The following CDH8 variants were observed in gnomAD, a reference collection of about 807,000 sequenced individuals.
The protein encoded by CDH8 is cadherin-8.
A neutral mutation model predicts 68.1 loss-of-function variants in CDH8; 17 were observed. The ratio of observed to expected loss-of-function variants is 0.25; its 90% CI spans 0.17 to 0.37. The LOEUF (loss-of-function observed/expected upper bound fraction) is 0.37. CDH8 is among the 10% of genes least tolerant of loss of function. The pLI is 1.00. For synonymous variants in CDH8, 372 were observed against 365.1 expected (o/e 1.02, Z -0.21); for missense variants, 763 against 999.3 (o/e 0.76, Z 3.19).
At chr16:61,795,736 C>CA (rs539945599) in intron 7 of CDH8, among the ~76,000 whole-genome samples, 4 of 152,036 alleles carry the variant, frequency 2.6e-5, no homozygotes, top group Non-Finnish European at 5.9e-5. Flanking sequence ...ATGTGACACT[C>CA]AAAAAGTATT....
intron 8 of CDH8, among the ~76,000 whole-genome samples, chr16:61,774,347 GT>G (rs1323542298): frequency 1.3e-5 from 2 of 151,588 alleles, no homozygotes; most frequent in Non-Finnish European, 2.9e-5. Context: ...CCCAAGATTG[GT>G]TAATATTCTG....
chr16:61,759,373 GGAAGAA>G (rs751793700), intron 8 of CDH8, among the ~76,000 whole-genome samples: 1 of 151,420 alleles, frequency 6.6e-6, no homozygotes, highest in East Asian at 1.9e-4. Context: ...AGGAGGAGGA[GGAAGAA>G]GAGGAAGAGG....
intron 8 of CDH8, among the ~76,000 whole-genome samples, chr16:61,772,825 A>G (rs1960811756): frequency 6.6e-6 from 1 of 152,056 alleles, no homozygotes; most frequent in Non-Finnish European, 1.5e-5. Context: ...CTATGCTTTA[A>G]CAAGCCCTCC....
At position 61,907,327 on chromosome 16, in the gene CDH8, A is replaced by C. The variant is rs376263648; in HGVS notation, c.253-5854T>G. ...CATTTGAAAATCAGGTAGCTCTGAC[A>C]TCAAAACTTCTTTTGAAGTTTCACT... On this transcript the variant is annotated intron_variant, in intron 2 of 11. Coordinates refer to ENST00000577390, the MANE Select transcript of CDH8 (RefSeq NM_001796.5). Among the ~76,000 whole-genome samples the C allele has an allele frequency of 1.1e-4, 16 of 152,260 alleles. No individual in the cohort carries two copies. The South Asian group carries it at 3.3e-3, about 32-fold the overall frequency.
chr16:61,984,842 C>T (rs914432052), intron 2 of CDH8, among the ~76,000 whole-genome samples: 3 of 152,128 alleles, frequency 2.0e-5, no homozygotes, highest in East Asian at 1.9e-4. Flanking sequence ...TGATTTTTTG[C>T]GTATAGTATA....
chr16:61,687,847 A>C (rs1964138647), intron 10 of CDH8, among the ~76,000 whole-genome samples: 1 of 152,054 alleles, frequency 6.6e-6, no homozygotes, highest in African/African-American at 2.4e-5. Flanking sequence ...CTGTAAGCTA[A>C]GAATTGTAGT....
In CDH8 at chr16:61,741,231, A is replaced by G. The variant is rs148329612; in HGVS notation, c.1415-14016T>C. Among the ~76,000 whole-genome samples, 1,241 of 152,186 alleles carry G rather than the reference A, an allele frequency of 8.2e-3. 21 individuals carry two copies. The highest frequency in any genetic ancestry group is 0.029 in the African/African-American group (1,197 of 41,532). On this transcript the variant is annotated intron_variant, in intron 8 of 11. Coordinates refer to ENST00000577390, the MANE Select transcript of CDH8 (RefSeq NM_001796.5). ...ATACCTGTTCAAATTTTCCTTTGTT[A>G]ATTAAGTTGCCTATATTTTCCTAAT... is the stretch of plus-strand genomic sequence containing the variant.
intron 10 of CDH8, among the ~76,000 whole-genome samples, chr16:61,664,959 A>G (rs1963637121): frequency 6.6e-6 from 1 of 152,064 alleles, no homozygotes; most frequent in Non-Finnish European, 1.5e-5. Flanking sequence ...TTAATATAAC[A>G]TATCATTTTT....
chr16:61,961,699 T>C (rs576682865), intron 2 of CDH8, among the ~76,000 whole-genome samples: 3 of 152,348 alleles, frequency 2.0e-5, no homozygotes, highest in East Asian at 1.9e-4. Context: ...TGTTCATTTG[T>C]TTCACATTAA....
chr16:61,908,583 A>T (rs915094044), intron 2 of CDH8, among the ~76,000 whole-genome samples: 6 of 152,194 alleles, frequency 3.9e-5, no homozygotes, highest in African/African-American at 1.2e-4. Context: ...GAAATGGACC[A>T]TTCAAGAAAC....
chr16:61,807,754 T>C (rs1235051823), intron 7 of CDH8, among the ~76,000 whole-genome samples: 4 of 152,162 alleles, frequency 2.6e-5, no homozygotes, highest in Non-Finnish European at 4.4e-5. Context: ...CCCTACCACT[T>C]TGGCATGACG....
chr16:61,828,481 G>T (rs1295253037), intron 4 of CDH8, among the ~76,000 whole-genome samples: 1 of 151,602 alleles, frequency 6.6e-6, no homozygotes, highest in Non-Finnish European at 1.5e-5. Flanking sequence ...ACCTCTTTCT[G>T]GTAACAATAG....
Position 62,021,331 on chromosome 16 carries a change from G to C in CDH8, c.73C>G (p.Pro25Ala). 6.2e-7 allele frequency: 1 copy of C among 1,613,978 alleles called. No individual in the cohort carries two copies. Among genetic ancestry groups the C allele is most frequent in the South Asian group, 1.1e-5 (1 of 91,070 alleles). The change falls in exon 2 of 12, where the codon CCT (proline) becomes GCT (alanine). Residue 25 changes from proline to alanine, a missense_variant. Pro to Ala is a conservative substitution (Grantham distance 27). Around this residue, in one of 2 missense-constraint regions of CDH8, gnomAD observed 366 missense variants for 563.1 expected, o/e 0.65. Coordinates refer to ENST00000577390, the MANE Select transcript of CDH8 (RefSeq NM_001796.5). ...TTCATCGGAGCCATGTAAATGCAAG[G>C]GGGAAGAGTAATCCATAATATTATT... ...PLIILWITLP[P>A]CIYMAPMNQS...
At chr16:61,677,024 A>C (rs1963926076) in intron 10 of CDH8, among the ~76,000 whole-genome samples, 1 of 152,028 alleles carries the variant, frequency 6.6e-6, no homozygotes, top group Non-Finnish European at 1.5e-5. Context: ...TATACCACAA[A>C]AAAAGATGGC....
At chr16:61,982,084 GAATA>G (rs1469836258) in intron 2 of CDH8, among the ~76,000 whole-genome samples, 1 of 152,072 alleles carries the variant, frequency 6.6e-6, no homozygotes, top group Non-Finnish European at 1.5e-5. Flanking sequence ...CATATGTGTT[GAATA>G]AATAAATTAC....
chr16:61,863,006 A>G (rs1194250333), intron 3 of CDH8, among the ~76,000 whole-genome samples: 2 of 152,118 alleles, frequency 1.3e-5, no homozygotes, highest in African/African-American at 4.8e-5. Flanking sequence ...GAAAGCCCCT[A>G]TTATAATCCA....
At chr16:61,995,518 C>T (rs771527740) in intron 2 of CDH8, among the ~76,000 whole-genome samples, 1 of 152,112 alleles carries the variant, frequency 6.6e-6, no homozygotes, top group Non-Finnish European at 1.5e-5. Context: ...GCTGGGACTA[C>T]AGGCATGTGT....
chr16:61,971,254 G>T (rs1026502701), intron 2 of CDH8, among the ~76,000 whole-genome samples: 1 of 152,104 alleles, frequency 6.6e-6, no homozygotes, highest in Non-Finnish European at 1.5e-5. Flanking sequence ...GTTTGGTGGT[G>T]TCTTCACACG....
chr16:61,768,394 C>T (rs1018780113), intron 8 of CDH8, among the ~76,000 whole-genome samples: 1 of 47,974 alleles, frequency 2.1e-5, no homozygotes, highest in African/African-American at 1.4e-4. Context: ...CTCTCTCTCT[C>T]CCTTTCTCTC....
Sources: allele counts gnomAD v4.1 joint callset (sites outside exome capture counted in the v4.1 genomes callset), GRCh38; gene constraint gnomAD v4.1.1; regional missense constraint gnomAD v4.1.1; transcripts MANE v1.5; gene names NCBI Gene and HGNC (gene_info 2026-07-23, HGNC 2026-07-21).